The following ELL2 variants were observed in gnomAD, a reference collection of about 807,000 sequenced individuals.
ELL2 encodes the protein RNA polymerase II elongation factor ELL2.
A neutral mutation model predicts 72.8 loss-of-function variants in ELL2; 21 were observed. The ratio of observed to expected loss-of-function variants is 0.29; its 90% CI spans 0.20 to 0.42. The LOEUF (loss-of-function observed/expected upper bound fraction) is 0.42, where lower values mean the gene tolerates loss of function less well. ELL2 is among the 10% of genes least tolerant of loss of function. ELL2 has a pLI of 1.00. For missense variants in ELL2, 568 were observed against 772.8 expected (o/e 0.73, Z 3.14); for synonymous variants, 266 against 283.2 (o/e 0.94, Z 0.61).
chr5:95,951,961 A>G (rs960439732), intron 1 of ELL2, among the ~76,000 whole-genome samples: 4 of 152,246 alleles, frequency 2.6e-5, no homozygotes, highest in African/African-American at 7.2e-5. Context: ...GAGTTCTGCC[A>G]CTTACTGAGA....
chr5:95,906,550 C>T lies in ELL2; in HGVS notation c.714G>A (p.Lys238=). ...LQKDGVNQKD[K]NSLGAILQQV... is the part of the protein sequence containing the mutation. ...GTTGCAGAATTGCTCCCAGGGAGTTCTTGTCTTTTTGATTGACACCATCTT... is the reference window on the plus strand; with the variant it reads ...GTTGCAGAATTGCTCCCAGGGAGTTTTTGTCTTTTTGATTGACACCATCTT... Residue 238 remains lysine (K), a synonymous_variant, in exon 5 of 12, where the codon AAG becomes AAA. Transcript: ENST00000237853. 1 of 1,613,404 alleles carries T rather than the reference C, an allele frequency of 6.2e-7. No individual in the cohort carries two copies. Among genetic ancestry groups the T allele is most frequent in the Non-Finnish European group, 8.5e-7 (1 of 1,179,528 alleles).
intron 1 of ELL2, among the ~76,000 whole-genome samples, chr5:95,954,596 C>CTTTTTTTTTTTTTTTTTTTTTTTTTT (rs1169301940): frequency 6.6e-5 from 7 of 105,866 alleles, no homozygotes; most frequent in Non-Finnish European, 9.0e-5. Flanking sequence ...TTTTTTTTTT[C>CTTTTTTTTTTTTTTTTTTTTTTTTTT]TTTTTTTTTT....
intron 3 of ELL2, among the ~76,000 whole-genome samples, chr5:95,916,049 A>G (rs980017567): frequency 6.6e-5 from 10 of 151,840 alleles, no homozygotes; most frequent in African/African-American, 2.4e-4. Flanking sequence ...TTAGGATGCT[A>G]CTGAAGGATT....
intron 1 of ELL2, among the ~76,000 whole-genome samples, chr5:95,960,902 C>T (rs1249399100): frequency 6.6e-6 from 1 of 151,748 alleles, no homozygotes; most frequent in African/African-American, 2.4e-5. Flanking sequence ...GCGCCAGTGT[C>T]CCCGCCGTTC....
At position 95,891,188 on chromosome 5, in the gene ELL2, T is replaced by C. The variant is rs1430250919; in HGVS notation, c.1676A>G (p.His559Arg). Residue 559 changes from histidine (H) to arginine (R), a missense_variant, in exon 10 of 12, where the codon CAT becomes CGT. By Grantham distance (29) the His-to-Arg change is conservative. Transcript: ENST00000237853. ...NAEYDEYRALHARMETVARRF... is the reference protein window; with the variant it reads ...NAEYDEYRALRARMETVARRF... Reference sequence around the variant, plus strand: ...TCTAGCTACAGTCTCCATCCTGGCATGCAAAGCTCTGTACTCATCATACTC... The same window carrying C: ...TCTAGCTACAGTCTCCATCCTGGCACGCAAAGCTCTGTACTCATCATACTC... The C allele has an allele frequency of 2.5e-6, 4 of 1,614,088 alleles. No homozygotes were observed. Among genetic ancestry groups the C allele is most frequent in the African/African-American group, 2.7e-5 (2 of 74,950 alleles).
chr5:95,958,326 C>A (rs973017183), intron 1 of ELL2, among the ~76,000 whole-genome samples: 13 of 152,130 alleles, frequency 8.5e-5, no homozygotes, highest in Non-Finnish European at 1.5e-5. Context: ...AATTAATATC[C>A]TTCCACTGGA....
intron 2 of ELL2, among the ~76,000 whole-genome samples, chr5:95,922,354 G>A (rs1238647007): frequency 6.6e-6 from 1 of 152,178 alleles, no homozygotes; most frequent in Non-Finnish European, 1.5e-5. Flanking sequence ...GAGCCACTGC[G>A]CCCAGCCTAA....
intron 4 of ELL2, 70 bp downstream of exon 4, chr5:95,913,701 G>A: frequency 7.2e-7 from 1 of 1,393,472 alleles, no homozygotes. Flanking sequence ...TAATATTACT[G>A]GTATTTACCT....
intron 2 of ELL2, among the ~76,000 whole-genome samples, chr5:95,935,092 C>T (rs974968607): frequency 6.6e-6 from 1 of 152,160 alleles, no homozygotes; most frequent in African/African-American, 2.4e-5. Flanking sequence ...GCCTGCCTTT[C>T]CCTTCATGGG....
chr5:95,918,535 G>A (rs1561499942), intron 3 of ELL2, among the ~76,000 whole-genome samples: 1 of 152,196 alleles, frequency 6.6e-6, no homozygotes, highest in Non-Finnish European at 1.5e-5. Context: ...TCTGCCTCCT[G>A]TACCTGCTGG....
intron 2 of ELL2, among the ~76,000 whole-genome samples, chr5:95,928,320 G>C (rs1561505851): frequency 6.6e-6 from 1 of 152,130 alleles, no homozygotes; most frequent in Non-Finnish European, 1.5e-5. Flanking sequence ...TAAGCCACAA[G>C]TTCTTCTTTG....
intron 1 of ELL2, among the ~76,000 whole-genome samples, chr5:95,953,502 C>A (rs1751496347): frequency 6.6e-6 from 1 of 152,166 alleles, no homozygotes; most frequent in South Asian, 2.1e-4. Context: ...ATATTTAAGT[C>A]TTAAAGTATC....
At position 95,888,576 on chromosome 5, in the gene ELL2, G is replaced by A. The variant is rs1238411979; in HGVS notation, c.*295C>T. On this transcript the variant is annotated 3_prime_UTR_variant, in exon 12 of 12. Coordinates refer to ENST00000237853, the MANE Select transcript of ELL2 (RefSeq NM_012081.6). ...AAATCATTTCTAATAACAAACACAAGTTTTTGAGGAAAAAAAACTGATTTG... is the reference window on the plus strand; with the variant it reads ...AAATCATTTCTAATAACAAACACAAATTTTTGAGGAAAAAAAACTGATTTG... The A allele has an allele frequency of 1.5e-5, 3 of 202,308 alleles. No individual in the cohort carries two copies. In the East Asian group the frequency reaches 3.5e-4, roughly 23 times the overall value. The allele number at this position is 202,308 out of a possible 1,614,324, so 12.5% of individuals were successfully genotyped here.
At chr5:95,891,709 G>A (rs929669378) in intron 9 of ELL2, among the ~76,000 whole-genome samples, 6 of 152,232 alleles carry the variant, frequency 3.9e-5, no homozygotes, top group African/African-American at 1.4e-4. Flanking sequence ...AGTGCTGAAA[G>A]TCAAAGCTCT....
chr5:95,952,916 G>A (rs1171418251), intron 1 of ELL2, among the ~76,000 whole-genome samples: 1 of 152,222 alleles, frequency 6.6e-6, no homozygotes. Flanking sequence ...AGGAGAATGA[G>A]AAAGAATAGG....
At chr5:95,895,908 C>A (rs1033072493) in intron 8 of ELL2, among the ~76,000 whole-genome samples, 1 of 152,206 alleles carries the variant, frequency 6.6e-6, no homozygotes, top group Non-Finnish European at 1.5e-5. Flanking sequence ...TTTAAAGCAC[C>A]CTGGCTACTG....
intron 2 of ELL2, among the ~76,000 whole-genome samples, chr5:95,920,513 CAG>C (rs1423612208): frequency 6.6e-6 from 1 of 151,486 alleles, no homozygotes; most frequent in Non-Finnish European, 1.5e-5. Flanking sequence ...GGTTTCACCA[CAG>C]GCAGATGTAT....
intron 1 of ELL2, among the ~76,000 whole-genome samples, chr5:95,958,878 C>T (rs374857770): frequency 6.6e-6 from 1 of 151,688 alleles, no homozygotes; most frequent in Non-Finnish European, 1.5e-5. Flanking sequence ...AAGACATTGA[C>T]GACTTTGGTA....
chr5:95,903,686 G>A (rs1194524168), intron 5 of ELL2, among the ~76,000 whole-genome samples: 2 of 152,042 alleles, frequency 1.3e-5, no homozygotes, highest in Non-Finnish European at 2.9e-5. Flanking sequence ...CAATATATAT[G>A]CTGCTAATTC....
Sources: allele counts gnomAD v4.1 joint callset (sites outside exome capture counted in the v4.1 genomes callset), GRCh38; gene constraint gnomAD v4.1.1; transcripts MANE v1.5; gene names NCBI Gene and HGNC (gene_info 2026-07-23, HGNC 2026-07-21).